Variants in GPC6 observed in about 807,000 individuals in gnomAD.
GPC6 encodes the protein glypican 6, also known as glypican-6.
In GPC6, 14 loss-of-function variants were observed where a neutral mutation model predicts 55.2. The ratio of observed to expected loss-of-function variants is 0.25; its 90% CI spans 0.17 to 0.40. The LOEUF (loss-of-function observed/expected upper bound fraction) is 0.40, where lower values mean the gene tolerates loss of function less well. GPC6 is among the 10% of genes least tolerant of loss of function. The pLI is 1.00. For missense variants in GPC6, 641 were observed against 708.5 expected (o/e 0.90, Z 1.08); for synonymous variants, 278 against 259.6 (o/e 1.07, Z -0.68).
chr13:93,591,885 A>T (rs2139509270), intron 2 of GPC6, among the ~76,000 whole-genome samples: 1 of 152,304 alleles, frequency 6.6e-6, no homozygotes, highest in Non-Finnish European at 1.5e-5. Flanking sequence ...GTAGATAAAG[A>T]ATTGAGGACT....
intron 2 of GPC6, among the ~76,000 whole-genome samples, chr13:93,826,850 A>C (rs116361984): frequency 0.012 from 1,899 of 152,260 alleles, 35 homozygotes; most frequent in African/African-American, 0.041. Flanking sequence ...ATCAGGCCAC[A>C]TCACACAGAC....
intron 3 of GPC6, among the ~76,000 whole-genome samples, chr13:93,964,230 C>T (rs970964033): frequency 6.6e-6 from 1 of 152,092 alleles, no homozygotes; most frequent in Non-Finnish European, 1.5e-5. Flanking sequence ...AGATTGATAA[C>T]CTTGCATAGT....
intron 3 of GPC6, among the ~76,000 whole-genome samples, chr13:93,972,297 AC>A (rs1880319295): frequency 1.3e-5 from 2 of 152,232 alleles, no homozygotes; most frequent in African/African-American, 4.8e-5. Flanking sequence ...TCAGTGACTG[AC>A]ATTGAGCAAT....
chr13:94,182,038 C>G (rs1476396805), intron 4 of GPC6, among the ~76,000 whole-genome samples: 1 of 152,124 alleles, frequency 6.6e-6, no homozygotes, highest in South Asian at 2.1e-4. Flanking sequence ...GATAGCTGAG[C>G]CACGCAATGT....
chr13:93,243,014 C>T (rs965701037), intron 1 of GPC6, among the ~76,000 whole-genome samples: 15 of 152,196 alleles, frequency 9.9e-5, no homozygotes, highest in East Asian at 1.9e-4. Flanking sequence ...AGGTTGGGAC[C>T]GGGGGAACAG....
At chr13:93,743,295 A>C (rs2138852212) in intron 2 of GPC6, among the ~76,000 whole-genome samples, 1 of 152,326 alleles carries the variant, frequency 6.6e-6, no homozygotes, top group Admixed American at 6.5e-5. Context: ...GAAAGACCTA[A>C]GCTTGAATTT....
chr13:93,334,442 T>C (rs1438811967), intron 1 of GPC6, among the ~76,000 whole-genome samples: 1 of 152,134 alleles, frequency 6.6e-6, no homozygotes, highest in African/African-American at 2.4e-5. Flanking sequence ...GAGAATCAAC[T>C]TCATTCTGAC....
intron 1 of GPC6, among the ~76,000 whole-genome samples, chr13:93,235,629 C>T (rs1876207791): frequency 6.6e-6 from 1 of 151,858 alleles, no homozygotes; most frequent in Admixed American, 6.6e-5. Context: ...AAGGAAGAAA[C>T]AAGATTAAAA....
rs558005360 is a variant in GPC6, at chr13:94,099,546, TTTC to T, written c.877+71657_877+71659del. Among the ~76,000 whole-genome samples, 24 of 152,330 alleles carry T rather than the reference TTTC, an allele frequency of 1.6e-4. 1 individual carries two copies. The highest frequency in any genetic ancestry group is 5.2e-4 in the Admixed American group (8 of 15,296). On this transcript the variant is annotated intron_variant, in intron 4 of 8. Coordinates refer to ENST00000377047, the MANE Select transcript of GPC6 (RefSeq NM_005708.5). ...TACTTCAGGTAAAAATTACTTCCTA[TTTC>T]TTCTCATCTACTGCTGCGCCAATTT... is the stretch of plus-strand genomic sequence containing the variant.
chr13:94,262,559 G>A (rs543217007), intron 4 of GPC6, among the ~76,000 whole-genome samples: 51 of 151,888 alleles, frequency 3.4e-4, no homozygotes, highest in Admixed American at 1.4e-3. Context: ...TATAGTCCCA[G>A]CTGCTTGGGA....
At chr13:93,770,547 T>C (rs2138891204) in intron 2 of GPC6, among the ~76,000 whole-genome samples, 1 of 152,262 alleles carries the variant, frequency 6.6e-6, no homozygotes, top group Non-Finnish European at 1.5e-5. Context: ...GGACTTTCTC[T>C]CTCTGACTCA....
chr13:94,270,217 G>A (rs1467679463), intron 4 of GPC6, among the ~76,000 whole-genome samples: 1 of 152,056 alleles, frequency 6.6e-6, no homozygotes, highest in Non-Finnish European at 1.5e-5. Context: ...GTTCTTCAAT[G>A]AATAAATAAC....
At chr13:93,349,215 A>T (rs1880535861) in intron 1 of GPC6, among the ~76,000 whole-genome samples, 1 of 152,052 alleles carries the variant, frequency 6.6e-6, no homozygotes, top group African/African-American at 2.4e-5. Flanking sequence ...TTTTGCCAAA[A>T]TTTAAGGAGT....
chr13:93,843,027 T>A (rs1226950225), intron 3 of GPC6, among the ~76,000 whole-genome samples: 4 of 151,948 alleles, frequency 2.6e-5, no homozygotes, highest in Admixed American at 2.0e-4. Context: ...GATATTAAAT[T>A]CTACTTTTAT....
intron 1 of GPC6, among the ~76,000 whole-genome samples, chr13:93,503,952 G>A (rs376076857): frequency 3.8e-4 from 58 of 152,092 alleles, no homozygotes; most frequent in African/African-American, 1.4e-3. Flanking sequence ...TTTAGATTTA[G>A]CACCTTCCTT....
chr13:93,816,133 T>C (rs76223234), intron 2 of GPC6, among the ~76,000 whole-genome samples: 3 of 152,030 alleles, frequency 2.0e-5, no homozygotes, highest in Non-Finnish European at 2.9e-5. Flanking sequence ...CTAAGATTGA[T>C]TTTTTTTCTT....
intron 4 of GPC6, among the ~76,000 whole-genome samples, chr13:94,107,436 C>G (rs1242549303): frequency 6.6e-6 from 1 of 152,010 alleles, no homozygotes; most frequent in Non-Finnish European, 1.5e-5. Context: ...ATATTCACAA[C>G]TCTATAATAT....
rs142507309 is a variant in GPC6 at position 93,250,511 on chromosome 13, A to G, written c.160+22895A>G. 3.6e-3 allele frequency among the ~76,000 whole-genome samples: 543 copies of G among 152,266 alleles called. 2 individuals carry two copies. The highest frequency in any genetic ancestry group is 0.012 in the African/African-American group (493 of 41,558). ...TCCTGAGTCACTGGTTTGTCACTCA[A>G]CTGGCCTCTGGCCCACCTCCAGCCT... is the stretch of plus-strand genomic sequence containing the variant. On this transcript the variant is annotated intron_variant, in intron 1 of 8. Transcript: ENST00000377047.
At chr13:94,248,415 C>T (rs756163718) in intron 4 of GPC6, among the ~76,000 whole-genome samples, 1 of 152,066 alleles carries the variant, frequency 6.6e-6, no homozygotes, top group Non-Finnish European at 1.5e-5. Context: ...TTTAAAGTAA[C>T]CAACATCATA....
Sources: allele counts gnomAD v4.1 joint callset (sites outside exome capture counted in the v4.1 genomes callset), GRCh38; gene constraint gnomAD v4.1.1; transcripts MANE v1.5; gene names NCBI Gene and HGNC (gene_info 2026-07-23, HGNC 2026-07-21).